Variants in HTR2C observed in about 807,000 individuals in gnomAD.
HTR2C encodes 5-hydroxytryptamine receptor 2C, also known as 5-hydroxytryptamine (serotonin) receptor 2C, G protein-coupled.
A neutral mutation model predicts 21.0 loss-of-function variants in HTR2C; 5 were observed. The ratio of observed to expected loss-of-function variants is 0.24; its 90% CI spans 0.12 to 0.50. The LOEUF (loss-of-function observed/expected upper bound fraction) is 0.50, where lower values mean the gene tolerates loss of function less well. Among genes scored for constraint, HTR2C ranks in the 20% least tolerant of loss-of-function variants. The probability of loss-of-function intolerance (pLI) is 0.98; values close to 1 mark genes in which losing one functional copy is unlikely to be tolerated. For synonymous variants in HTR2C, 150 were observed against 145.3 expected, an observed-to-expected ratio of 1.03 and a Z score of -0.23; for missense variants, 271 against 371.2, an observed-to-expected ratio of 0.73 and a Z score of 2.22.
chrX:114,679,446 T>C (rs1312110695), intron 2 of HTR2C, among the ~76,000 whole-genome samples: 3 of 109,510 alleles, frequency 2.7e-5, no homozygotes, highest in African/African-American at 1.0e-4. Flanking sequence ...GCCTGGCTAA[T>C]TGTTGTATTT....
chrX:114,781,960 CTT>C lies in HTR2C; in HGVS notation c.349+50354_349+50355del, dbSNP rs782121527. On this transcript the variant is annotated intron_variant, in intron 4 of 5. Coordinates refer to ENST00000276198, the MANE Select transcript of HTR2C (RefSeq NM_000868.4). ...TGGAGATAATCAAAGACATCAAAGA[CTT>C]AAGAAGACCAATGATTACCCAAGCA... 1.5e-3 allele frequency among the ~76,000 whole-genome samples: 162 copies of C among 109,735 alleles called. 2 individuals are homozygous for C. Among genetic ancestry groups the C allele is most frequent in the Non-Finnish European group, 3.4e-4 (18 of 52,732 alleles).
At chrX:114,903,214 T>G (rs1286874655) in intron 5 of HTR2C, among the ~76,000 whole-genome samples, 3 of 112,131 alleles carry the variant, frequency 2.7e-5, no homozygotes, top group Non-Finnish European at 5.6e-5. Context: ...GTTGTTGCTT[T>G]TTATAATTTC....
At chrX:114,870,003 G>A (rs1215167189) in intron 5 of HTR2C, among the ~76,000 whole-genome samples, 1 of 111,631 alleles carries the variant, frequency 9.0e-6, no homozygotes, top group Non-Finnish European at 1.9e-5. Context: ...TGCATCCTGG[G>A]ATGAATCCCA....
At chrX:114,834,391 T>G (rs2070760130) in intron 4 of HTR2C, among the ~76,000 whole-genome samples, 1 of 106,047 alleles carries the variant, frequency 9.4e-6, no homozygotes, top group African/African-American at 3.4e-5. Flanking sequence ...GCTCCTGTAT[T>G]GGGTGCATAT....
chrX:114,731,213 G>A, intron 3 of HTR2C, 81 bp from the exon 4 acceptor site: 3 of 577,104 alleles, frequency 5.2e-6, no homozygotes, highest in East Asian at 3.3e-5. Flanking sequence ...CCATGAAGAA[G>A]CAGTTGTTTT....
chrX:114,652,533 T>C (rs781905456), intron 2 of HTR2C: 61 of 293,226 alleles, frequency 2.1e-4, no homozygotes, highest in Non-Finnish European at 3.9e-4. Context: ...TAATACATGC[T>C]GATTAGAAAT....
At chrX:114,654,852 T>A (rs1007930231) in intron 2 of HTR2C, among the ~76,000 whole-genome samples, 29 of 110,331 alleles carry the variant, frequency 2.6e-4, no homozygotes, top group Non-Finnish European at 3.6e-4. Flanking sequence ...GGAGGTGATG[T>A]CAGTATTGTA....
intron 2 of HTR2C, among the ~76,000 whole-genome samples, chrX:114,624,350 C>T (rs1418379067): frequency 4.5e-5 from 5 of 111,633 alleles, no homozygotes; most frequent in African/African-American, 1.6e-4. Flanking sequence ...ACAAAGAATG[C>T]TTCCCTAAAA....
chrX:114,797,666 T>C lies in HTR2C; in HGVS notation c.350-50337T>C, dbSNP rs142552912. On this transcript the variant is annotated intron_variant, in intron 4 of 5. Coordinates refer to ENST00000276198, the MANE Select transcript of HTR2C (RefSeq NM_000868.4). ...CACATTGTTCCATAAGTGTTCTCAC[T>C]TGGGAAGTTGGCAACAAGTATTTAA... is the stretch of plus-strand genomic sequence containing the variant. Among the ~76,000 whole-genome samples the C allele has an allele frequency of 6.0e-3, 677 of 112,084 alleles. 3 individuals carry two copies. Among genetic ancestry groups the C allele is most frequent in the Non-Finnish European group, 9.9e-3 (524 of 53,033 alleles).
At chrX:114,780,215 G>A (rs895012703) in intron 4 of HTR2C, among the ~76,000 whole-genome samples, 1 of 111,019 alleles carries the variant, frequency 9.0e-6, no homozygotes, top group South Asian at 3.8e-4. Context: ...ATCTACGGGT[G>A]TCCTGGAACC....
At chrX:114,691,035 A>G (rs1049572181) in intron 2 of HTR2C, among the ~76,000 whole-genome samples, 2 of 111,176 alleles carry the variant, frequency 1.8e-5, no homozygotes, top group Admixed American at 1.9e-4. Context: ...AATCCTTATA[A>G]AAATCCTCAA....
intron 5 of HTR2C, among the ~76,000 whole-genome samples, chrX:114,850,116 A>G (rs1007637351): frequency 1.5e-4 from 17 of 111,820 alleles, no homozygotes; most frequent in African/African-American, 5.2e-4. Context: ...TAAGCATAAT[A>G]TGAAAAACTA....
chrX:114,614,036 T>C (rs1455174724), intron 2 of HTR2C, among the ~76,000 whole-genome samples, 155 bp downstream of exon 2: 2 of 110,465 alleles, frequency 1.8e-5, no homozygotes, highest in Non-Finnish European at 3.8e-5. Flanking sequence ...AAAAAGAATA[T>C]TATGTAATTG....
intron 2 of HTR2C, among the ~76,000 whole-genome samples, chrX:114,686,518 A>G (rs1931918096): frequency 9.0e-6 from 1 of 111,152 alleles, no homozygotes; most frequent in South Asian, 3.8e-4. Context: ...CAAGGTGGGC[A>G]AGGTTGTTAT....
chrX:114,846,110 A>C (rs1380817362), intron 4 of HTR2C, among the ~76,000 whole-genome samples: 1 of 111,668 alleles, frequency 9.0e-6, no homozygotes, highest in Non-Finnish European at 1.9e-5. Context: ...AAAAACACAC[A>C]TACTACCAAA....
chrX:114,655,565 AT>A (rs1188472715), intron 2 of HTR2C, among the ~76,000 whole-genome samples: 4 of 111,453 alleles, frequency 3.6e-5, no homozygotes, highest in Admixed American at 2.9e-4. Context: ...ATTTAAGTGT[AT>A]TTTTTTACTA....
intron 2 of HTR2C, among the ~76,000 whole-genome samples, chrX:114,663,986 T>G (rs2147843660): frequency 9.0e-6 from 1 of 111,697 alleles, no homozygotes; most frequent in East Asian, 2.8e-4. Context: ...TGAAGAAGAC[T>G]GACAGGAGTG....
intron 5 of HTR2C, among the ~76,000 whole-genome samples, chrX:114,881,263 A>G (rs782564369): frequency 1.8e-5 from 2 of 111,315 alleles, no homozygotes; most frequent in East Asian, 5.6e-4. Context: ...GATGAAAGAC[A>G]CATAATGATT....
At chrX:114,888,053 T>G (rs782015951) in intron 5 of HTR2C, among the ~76,000 whole-genome samples, 1 of 112,037 alleles carries the variant, frequency 8.9e-6, no homozygotes, top group South Asian at 3.7e-4. Flanking sequence ...GTTTATTTCA[T>G]TGTGGTTCTA....
Sources: allele counts gnomAD v4.1 joint callset (sites outside exome capture counted in the v4.1 genomes callset), GRCh38; gene constraint gnomAD v4.1.1; transcripts MANE v1.5; gene names NCBI Gene and HGNC (gene_info 2026-07-23, HGNC 2026-07-21).